Variants in PHF21A observed in about 807,000 individuals in gnomAD.
The protein encoded by PHF21A is PHD finger protein 21A.
PHF21A carries 11 observed loss-of-function variants against 82.5 expected under a neutral mutation model. The ratio of observed to expected loss-of-function variants is 0.13; its 90% CI spans 0.08 to 0.22. The LOEUF (loss-of-function observed/expected upper bound fraction) is 0.22, where lower values mean the gene tolerates loss of function less well. Ranked by LOEUF, PHF21A falls within the 10% of genes least tolerant of loss-of-function variation. The probability of loss-of-function intolerance (pLI) is 1.00; values close to 1 mark genes in which losing one functional copy is unlikely to be tolerated. For synonymous variants in PHF21A, 297 were observed against 302.8 expected (o/e 0.98, Z 0.20); for missense variants, 579 against 837.8 (o/e 0.69, Z 3.81).
chr11:46,024,124 C>T (rs1019464195), intron 6 of PHF21A, among the ~76,000 whole-genome samples: 1 of 152,220 alleles, frequency 6.6e-6, no homozygotes, highest in Non-Finnish European at 1.5e-5. Context: ...TATCTCCCAG[C>T]TTAATGATTT....
At position 45,953,439 on chromosome 11, in the gene PHF21A, A is replaced by G. The variant is rs766789598; in HGVS notation, c.1095+88T>C. The G allele has an allele frequency of 6.1e-5, 47 of 776,754 alleles. No individual in the cohort carries two copies. In the African/African-American group the frequency reaches 6.5e-4, roughly 11 times the overall value. 48.1% of individuals were successfully genotyped at this position (776,754 alleles called of 1,614,324 possible). ...AGAAAATGAACATCGAGTTCATTTC[A>G]TCATTCAGAGAGCAGGTGCCCCTCC... On this transcript the variant is annotated intron_variant, in intron 11 of 18. Transcript: ENST00000676320.
At chr11:45,935,271 C>T in intron 18 of PHF21A, 1 of 1,307,028 alleles carries the variant, frequency 7.7e-7, no homozygotes, top group Non-Finnish European at 1.0e-6. Context: ...ACGAGGGGAC[C>T]TGGTCTGTGT....
At chr11:45,987,928 T>C (rs1463680468) in intron 6 of PHF21A, among the ~76,000 whole-genome samples, 2 of 152,158 alleles carry the variant, frequency 1.3e-5, no homozygotes, top group Non-Finnish European at 2.9e-5. Context: ...CCCATTCCTC[T>C]GCACTGTAGC....
chr11:45,946,411 T>C (rs990908674), intron 14 of PHF21A, among the ~76,000 whole-genome samples: 2 of 152,152 alleles, frequency 1.3e-5, no homozygotes, highest in African/African-American at 4.8e-5. Flanking sequence ...TGAGACGGAA[T>C]CTCGCTCTGT....
intron 10 of PHF21A, among the ~76,000 whole-genome samples, chr11:45,964,874 G>T (rs1231619551): frequency 6.6e-6 from 1 of 152,166 alleles, no homozygotes; most frequent in Admixed American, 6.5e-5. Context: ...CCCATTATCT[G>T]TAACAATCAA....
At chr11:46,076,690 C>T (rs1015584007) in intron 6 of PHF21A, 64 bp downstream of exon 6, 21 of 1,295,114 alleles carry the variant, frequency 1.6e-5, no homozygotes, top group Non-Finnish European at 2.2e-5. Context: ...CTCTTAGAAG[C>T]CTCGAGCAGA....
At chr11:46,108,631 A>G (rs10734539) in intron 1 of PHF21A, among the ~76,000 whole-genome samples, 135,524 of 150,322 alleles carry the variant, frequency 0.9, 61,257 homozygotes, top group East Asian at 1. Context: ...AAGTAGGATG[A>G]GAACGGAATG....
chr11:46,101,578 C>A (rs2097096048), intron 1 of PHF21A, among the ~76,000 whole-genome samples: 1 of 152,140 alleles, frequency 6.6e-6, no homozygotes, highest in Admixed American at 6.5e-5. Flanking sequence ...AAATGTTTTT[C>A]TCTAAGTATA....
intron 9 of PHF21A, among the ~76,000 whole-genome samples, chr11:45,967,904 GT>G: frequency 6.6e-6 from 1 of 152,294 alleles, no homozygotes; most frequent in African/African-American, 2.4e-5. Flanking sequence ...TATGTGCTAT[GT>G]ACTCTTAATA....
intron 10 of PHF21A, among the ~76,000 whole-genome samples, chr11:45,962,710 G>A (rs2093176058): frequency 8.3e-6 from 1 of 119,976 alleles, no homozygotes; most frequent in Admixed American, 8.9e-5. Context: ...TGGCCAACAT[G>A]GTGAAACCCC....
chr11:45,960,006 T>C (rs2092974804), intron 10 of PHF21A, among the ~76,000 whole-genome samples: 1 of 152,082 alleles, frequency 6.6e-6, no homozygotes, highest in Admixed American at 6.5e-5. Flanking sequence ...GAAATGGCTA[T>C]AAATAAAACA....
intron 6 of PHF21A, among the ~76,000 whole-genome samples, chr11:46,075,312 C>T (rs2096712445): frequency 6.6e-6 from 1 of 152,180 alleles, no homozygotes. Context: ...TTTGCAACAG[C>T]ATCCCCCAAC....
chr11:45,943,798 C>T (rs963799162), intron 15 of PHF21A, among the ~76,000 whole-genome samples: 1 of 152,114 alleles, frequency 6.6e-6, no homozygotes, highest in Non-Finnish European at 1.5e-5. Context: ...GTTAACATCA[C>T]CAACAACAGA....
intron 18 of PHF21A, 85 bp from the exon 19 acceptor site, chr11:45,934,310 C>T (rs1263088716): frequency 7.4e-7 from 1 of 1,358,870 alleles, no homozygotes; most frequent in African/African-American, 1.4e-5. Flanking sequence ...CGCCTTCTCT[C>T]TGCCCAGGGA....
At chr11:46,069,292 A>G (rs573014682) in intron 6 of PHF21A, among the ~76,000 whole-genome samples, 2 of 152,348 alleles carry the variant, frequency 1.3e-5, no homozygotes, top group Non-Finnish European at 2.9e-5. Flanking sequence ...TAAACTCAAC[A>G]AACAATTGGA....
chr11:45,976,666 AC>A (rs2094041981), intron 7 of PHF21A, among the ~76,000 whole-genome samples: 1 of 152,204 alleles, frequency 6.6e-6, no homozygotes, highest in Non-Finnish European at 1.5e-5. Context: ...ACATGGTGAA[AC>A]CCTGTTTCTA....
chr11:46,055,900 A>C (rs948205387), intron 6 of PHF21A, among the ~76,000 whole-genome samples: 1 of 152,190 alleles, frequency 6.6e-6, no homozygotes, highest in Admixed American at 6.5e-5. Context: ...GCTAATTCAG[A>C]ATCAGTTCCC....
chr11:46,059,632 C>T (rs1045976934), intron 6 of PHF21A, among the ~76,000 whole-genome samples: 17 of 151,808 alleles, frequency 1.1e-4, no homozygotes, highest in Non-Finnish European at 1.9e-4. Context: ...GCCATGGTGC[C>T]TAGGTTGGTC....
intron 7 of PHF21A, 140 bp downstream of exon 7, chr11:45,979,620 T>C: frequency 8.6e-7 from 1 of 1,162,586 alleles, no homozygotes; most frequent in Non-Finnish European, 1.2e-6. Flanking sequence ...ATCTGGGTTA[T>C]ACTGTAAAAA....
Sources: gnomAD v4.1 joint callset for allele counts (sites outside exome capture counted in the v4.1 genomes callset) on GRCh38, gnomAD v4.1.1 for gene constraint, MANE v1.5 for transcripts, NCBI Gene and HGNC (gene_info 2026-07-23, HGNC 2026-07-21) for gene names.